MTUS2: variants seen among roughly 807,000 people sequenced by gnomAD.
MTUS2 encodes microtubule associated scaffold protein 2.
A neutral mutation model predicts 114.1 loss-of-function variants in MTUS2; 40 were observed. The ratio of observed to expected loss-of-function variants is 0.35; its 90% CI spans 0.27 to 0.46. The LOEUF is 0.46. MTUS2 is among the 20% of genes least tolerant of loss of function. The pLI, the probability that MTUS2 is intolerant of heterozygous loss-of-function variation, is 1.00. For missense variants in MTUS2, 1,679 were observed against 1,705.4 expected, an observed-to-expected ratio of 0.98 and a Z score of 0.27; for synonymous variants, 688 against 672.0, an observed-to-expected ratio of 1.02 and a Z score of -0.37.
At chr13:29,463,179 G>A (rs1879632120) in intron 9 of MTUS2, among the ~76,000 whole-genome samples, 2 of 152,182 alleles carry the variant, frequency 1.3e-5, no homozygotes, top group Non-Finnish European at 2.9e-5. Flanking sequence ...GTGGCCTCGA[G>A]GGGCTGGAAA....
intron 6 of MTUS2, among the ~76,000 whole-genome samples, chr13:29,321,106 G>A (rs1309620315): frequency 6.6e-6 from 1 of 152,116 alleles, no homozygotes; most frequent in East Asian, 1.9e-4. Flanking sequence ...TCCCAGGAGA[G>A]GTATCTGGGC....
intron 9 of MTUS2, among the ~76,000 whole-genome samples, chr13:29,472,171 C>T (rs551333243): frequency 3.3e-4 from 50 of 152,158 alleles, no homozygotes; most frequent in African/African-American, 1.1e-3. Flanking sequence ...ATTACAGGCA[C>T]GTGCCACCAA....
At chr13:29,100,437 C>G (rs1438861791) in intron 4 of MTUS2, among the ~76,000 whole-genome samples, 3 of 152,190 alleles carry the variant, frequency 2.0e-5, no homozygotes, top group Non-Finnish European at 4.4e-5. Context: ...GCAACAATAA[C>G]TATTCGCTTT....
intron 8 of MTUS2, among the ~76,000 whole-genome samples, chr13:29,434,395 C>T (rs951657703): frequency 1.3e-5 from 2 of 152,190 alleles, no homozygotes; most frequent in Non-Finnish European, 2.9e-5. Flanking sequence ...CCTTGCCCTG[C>T]TGGGTTAGAT....
Position 29,025,186 on chromosome 13 carries a change from T to C in MTUS2, c.488T>C (p.Leu163Pro), listed in dbSNP as rs751467414. The C allele has an allele frequency of 6.2e-7, 1 of 1,613,938 alleles. No individual in the cohort carries two copies. The highest frequency in any genetic ancestry group is 8.5e-7 in the Non-Finnish European group (1 of 1,179,886). ...EIPRHVPKDK[L>P]AKTLDNEELR... ...CCCCGGCATGTTCCCAAGGATAAAC[T>C]GGCAAAGACCCTTGACAATGAGGAA... The change falls in exon 3 of 16, where the codon CTG (leucine) becomes CCG (proline). Residue 163 changes from leucine (L) to proline (P), a missense_variant. Leu to Pro is a moderately conservative substitution (Grantham distance 98, BLOSUM62 -3). Coordinates refer to ENST00000612955, the MANE Select transcript of MTUS2 (RefSeq NM_001033602.4).
chr13:28,967,504 G>A lies in MTUS2; in HGVS notation c.-242-56953G>A, dbSNP rs188791837. On this transcript the variant is annotated intron_variant, in intron 2 of 15. Coordinates refer to ENST00000612955, the MANE Select transcript of MTUS2 (RefSeq NM_001033602.4). ...ACTCTTGATTTACCCAACAGAGAAC[G>A]TGCTGTAGGAACTAAAGCATCTGTG... 3.9e-5 allele frequency among the ~76,000 whole-genome samples: 6 copies of A among 152,276 alleles called. No individual in the cohort carries two copies. In the East Asian group the frequency reaches 7.7e-4, roughly 20 times the overall value.
intron 2 of MTUS2, among the ~76,000 whole-genome samples, chr13:28,885,366 T>C (rs147344876): frequency 2.6e-5 from 4 of 152,320 alleles, no homozygotes; most frequent in African/African-American, 9.6e-5. Flanking sequence ...AAGCTGACAC[T>C]GATTGTCAAC....
At chr13:29,198,469 G>A (rs1027788838) in intron 5 of MTUS2, among the ~76,000 whole-genome samples, 27 of 152,164 alleles carry the variant, frequency 1.8e-4, no homozygotes, top group Admixed American at 1.8e-3. Context: ...TTTGGTTACT[G>A]TAGCCTTGTA....
rs368694678 is a variant in MTUS2, at chr13:29,185,552, C to G, written c.2644+84582C>G. 2.7e-3 allele frequency among the ~76,000 whole-genome samples: 412 copies of G among 152,192 alleles called. 3 individuals carry two copies. The highest frequency in any genetic ancestry group is 9.4e-3 in the African/African-American group (388 of 41,496). On this transcript the variant is annotated intron_variant, in intron 5 of 15. Coordinates refer to ENST00000612955, the MANE Select transcript of MTUS2 (RefSeq NM_001033602.4). ...AAAGAGAAGCAATTCATCACAAGTG[C>G]AAGGGATCCTCAGTAATGTTAACAG...
At chr13:29,027,004 A>G (rs1886591753) in intron 3 of MTUS2, 101 bp downstream of exon 3, 9 of 1,228,784 alleles carry the variant, frequency 7.3e-6, no homozygotes, top group Non-Finnish European at 9.9e-6. Flanking sequence ...CTTTAAGTGA[A>G]TTACAGATTT....
intron 8 of MTUS2, among the ~76,000 whole-genome samples, chr13:29,408,234 T>TA (rs200133346): frequency 1.5e-4 from 23 of 151,522 alleles, no homozygotes; most frequent in East Asian, 1.4e-3. Flanking sequence ...GTGTCTTGAT[T>TA]AAAAAAAAAC....
chr13:29,476,956 A>G (rs987461335), intron 9 of MTUS2: 2 of 152,236 alleles, frequency 1.3e-5, no homozygotes, highest in Admixed American at 6.5e-5. Context: ...ACAAGCAAAC[A>G]CATCGATGTC....
At chr13:29,185,641 A>G (rs902165589) in intron 5 of MTUS2, among the ~76,000 whole-genome samples, 1 of 152,230 alleles carries the variant, frequency 6.6e-6, no homozygotes, top group Admixed American at 6.5e-5. Flanking sequence ...TTCATATTCA[A>G]AGTGCTCAAA....
At position 29,142,111 on chromosome 13, in the gene MTUS2, C is replaced by T. The variant is rs554769315; in HGVS notation, c.2644+41141C>T. Among the ~76,000 whole-genome samples the T allele has an allele frequency of 4.2e-4, 64 of 152,066 alleles. No homozygotes were observed. In the South Asian group the frequency reaches 5.8e-3, roughly 14 times the overall value. Reference sequence around the variant, plus strand: ...TCCTGACCTCATGATCCGCCCGCCTCGGCCTCCCAAAGTGCTATGGGGATC... The same window carrying T: ...TCCTGACCTCATGATCCGCCCGCCTTGGCCTCCCAAAGTGCTATGGGGATC... On this transcript the variant is annotated intron_variant, in intron 5 of 15. Transcript: ENST00000612955.
chr13:28,884,072 G>T (rs1416587501), intron 2 of MTUS2, among the ~76,000 whole-genome samples: 1 of 152,130 alleles, frequency 6.6e-6, no homozygotes, highest in Non-Finnish European at 1.5e-5. Flanking sequence ...AGTCTGAATG[G>T]AAAGCAGGGA....
intron 9 of MTUS2, among the ~76,000 whole-genome samples, chr13:29,456,939 C>T (rs920650404): frequency 6.6e-6 from 1 of 151,754 alleles, no homozygotes; most frequent in African/African-American, 2.4e-5. Context: ...AGATGGAGAC[C>T]ATCCTGGCTA....
intron 8 of MTUS2, among the ~76,000 whole-genome samples, chr13:29,371,986 CCACACA>C (rs200430206): frequency 3.7e-4 from 23 of 61,868 alleles, no homozygotes; most frequent in South Asian, 9.0e-4. Context: ...GCCCCCCCCC[CCACACA>C]CACACACAAG....
intron 8 of MTUS2, among the ~76,000 whole-genome samples, chr13:29,376,214 C>T (rs1187403799): frequency 6.6e-6 from 1 of 151,972 alleles, no homozygotes; most frequent in East Asian, 1.9e-4. Context: ...GGTTAAAAGC[C>T]AAAATTATAA....
intron 9 of MTUS2, among the ~76,000 whole-genome samples, chr13:29,468,138 C>T (rs1440453353): frequency 1.3e-5 from 2 of 151,608 alleles, no homozygotes; most frequent in Admixed American, 6.6e-5. Flanking sequence ...CAAAAAAATC[C>T]CAAAAGAGTA....
Sources: gnomAD v4.1 joint callset for allele counts (sites outside exome capture counted in the v4.1 genomes callset) on GRCh38, gnomAD v4.1.1 for gene constraint, MANE v1.5 for transcripts, NCBI Gene and HGNC (gene_info 2026-07-23, HGNC 2026-07-21) for gene names.